Variants in DUT observed in about 807,000 individuals in gnomAD.
DUT encodes deoxyuridine triphosphatase.
Under a neutral mutation model 28.8 loss-of-function variants are expected in DUT, and 21 were observed. That is an observed-to-expected ratio of 0.73 (90% CI 0.52 to 1.05). The LOEUF (loss-of-function observed/expected upper bound fraction) is 1.05, where lower values mean the gene tolerates loss of function less well. Among genes scored for constraint, DUT ranks in the 50% least tolerant of loss-of-function variants. The pLI, the probability that DUT is intolerant of heterozygous loss-of-function variation, is 0.00. For missense variants in DUT, 344 were observed against 351.8 expected (o/e 0.98, Z 0.18); for synonymous variants, 147 against 143.7 (o/e 1.02, Z -0.17).
In DUT at chr15:48,341,292, G is replaced by T; in HGVS notation, c.560G>T (p.Gly187Val). 1 of 1,591,640 alleles carries T rather than the reference G, an allele frequency of 6.3e-7. No individual in the cohort carries two copies. The highest frequency in any genetic ancestry group is 8.5e-7 in the Non-Finnish European group (1 of 1,170,950). The change falls in exon 5 of 7, where the codon GGT becomes GTT. Residue 187 changes from glycine (G) to valine (V), a missense_variant. Gly to Val is a moderately radical substitution (Grantham distance 109, BLOSUM62 -3). Coordinates refer to ENST00000331200, the MANE Select transcript of DUT (RefSeq NM_001025248.2). ...ATATTACTTTTCTTTTCTCTAGCTG[G>T]TGTCATAGATGAAGATTATAGAGGA... ...AAKHFIDVGA[G>V]VIDEDYRGNV... is the part of the protein sequence containing the mutation.
upstream of DUT, chr15:48,331,132 G>A: frequency 2.0e-6 from 3 of 1,478,606 alleles, no homozygotes; most frequent in South Asian, 1.3e-5. Context: ...CGGTTCCGGC[G>A]CTTAGGGCGC....
At chr15:48,335,333 A>C (rs1039201206) in intron 3 of DUT, among the ~76,000 whole-genome samples, 1 of 152,270 alleles carries the variant, frequency 6.6e-6, no homozygotes, top group Admixed American at 6.5e-5. Flanking sequence ...GTCTGCAATA[A>C]TAAGGTGTAA....
At chr15:48,337,585 C>T (rs1046683132) in intron 4 of DUT, among the ~76,000 whole-genome samples, 9 of 152,156 alleles carry the variant, frequency 5.9e-5, no homozygotes, top group African/African-American at 2.2e-4. Flanking sequence ...TTAGGGACTT[C>T]ACAGATTGTT....
At chr15:48,331,900 G>A (rs903580277) in intron 1 of DUT, 105 bp downstream of exon 1, 2 of 726,648 alleles carry the variant, frequency 2.8e-6, no homozygotes, top group East Asian at 3.6e-5. Flanking sequence ...CGCGGGGGGC[G>A]GGGGGGGTGG....
rs767808149 is a variant in DUT at position 48,335,979 on chromosome 15, G to A, written c.512-67G>A. ...GTGAAGAGAATGACATGCTTAAATTGCATCAGTTATCTCTGATATAGCCCT... is the reference window on the plus strand; with the variant it reads ...GTGAAGAGAATGACATGCTTAAATTACATCAGTTATCTCTGATATAGCCCT... On this transcript the variant is annotated intron_variant, in intron 3 of 6. Transcript: ENST00000331200. The A allele has an allele frequency of 7.4e-6, 9 of 1,211,870 alleles. No individual in the cohort carries two copies. In the East Asian group the frequency reaches 1.7e-4, roughly 23 times the overall value. 75.1% of individuals were successfully genotyped at this position (1,211,870 alleles called of 1,614,324 possible). A position where few individuals can be genotyped will look rare whatever the true frequency, so the allele number is the denominator to read the frequency against.
In DUT at chr15:48,332,324, C is replaced by G. The variant is rs1201998335; in HGVS notation, c.337C>G (p.Gln113Glu). The G allele has an allele frequency of 1.2e-6, 2 of 1,608,280 alleles. No individual in the cohort carries two copies. The highest frequency in any genetic ancestry group is 1.3e-5 in the African/African-American group (1 of 74,380). ...RARPAEVGGM[Q>E]LRFARLSEHA... The stretch of plus-strand genomic sequence containing the variant: ...CCGGCCTGCGGAGGTGGGCGGCATG[C>G]AGCTCCGCTTTGCCCGGCTCTCCGA... The change falls in exon 2 of 7, where the codon CAG becomes GAG. Residue 113 changes from glutamine (Q) to glutamate (E), a missense_variant. Transcript: ENST00000331200.
chr15:48,335,504 T>C (rs1286360541), intron 3 of DUT, among the ~76,000 whole-genome samples: 1 of 152,198 alleles, frequency 6.6e-6, no homozygotes, highest in African/African-American at 2.4e-5. Flanking sequence ...ATCTGAATCA[T>C]GAATAGTGGG....
rs1254762313 is a variant in DUT, at chr15:48,341,286, T to C, written c.557-3T>C. 3 of 1,581,640 alleles carry C rather than the reference T, an allele frequency of 1.9e-6. No homozygotes were observed. The highest frequency in any genetic ancestry group is 1.2e-5 in the South Asian group (1 of 85,914). ...GAGATAATATTACTTTTCTTTTCTC[T>C]AGCTGGTGTCATAGATGAAGATTAT... is the stretch of plus-strand genomic sequence containing the variant. On this transcript the variant is annotated splice_polypyrimidine_tract_variant and splice_region_variant and intron_variant, in intron 4 of 6. Transcript: ENST00000331200.
rs1333653241 is a variant in DUT, at chr15:48,341,578, A to C, written c.695A>C (p.Glu232Ala). 1 of 1,610,028 alleles carries C rather than the reference A, an allele frequency of 6.2e-7. No homozygotes were observed. Among genetic ancestry groups the C allele is most frequent in the Non-Finnish European group, 8.5e-7 (1 of 1,177,022 alleles). Residue 232 changes from glutamate (E) to alanine (A), a missense_variant, in exon 6 of 7, where the codon GAA (glutamate) becomes GCA (alanine). Coordinates refer to ENST00000331200, the MANE Select transcript of DUT (RefSeq NM_001025248.2). ...CERIFYPEIE[E>A]VQALDDTERG... ...CGGATTTTTTATCCAGAAATAGAAG[A>C]AGTTCAAGTAAGTATTACAAAGGAA...
chr15:48,335,311 C>T (rs758096531), intron 3 of DUT, among the ~76,000 whole-genome samples: 1 of 152,080 alleles, frequency 6.6e-6, no homozygotes, highest in African/African-American at 2.4e-5. Flanking sequence ...TAATTATAGG[C>T]CTGATGCTTG....
intron 4 of DUT, chr15:48,340,259 C>T (rs753653316): frequency 6.6e-5 from 10 of 151,762 alleles, no homozygotes; most frequent in Non-Finnish European, 1.2e-4. Flanking sequence ...AAAGAATTAA[C>T]GTGTATAGCA....
At chr15:48,331,861 G>A (rs1187891858) in intron 1 of DUT, 66 bp downstream of exon 1, 16 of 908,450 alleles carry the variant, frequency 1.8e-5, no homozygotes, top group Non-Finnish European at 2.1e-5. Context: ...GGCTGTGGGG[G>A]AAGTAGGGTG....
At chr15:48,338,392 T>C (rs1035162261) in intron 4 of DUT, among the ~76,000 whole-genome samples, 1 of 152,140 alleles carries the variant, frequency 6.6e-6, no homozygotes, top group Non-Finnish European at 1.5e-5. Flanking sequence ...AGCAGAGGCC[T>C]TTCAAAAAGG....
chr15:48,333,988 A>G (rs961166290), intron 2 of DUT, among the ~76,000 whole-genome samples: 1 of 152,224 alleles, frequency 6.6e-6, no homozygotes, highest in African/African-American at 2.4e-5. Flanking sequence ...TAGTATTATT[A>G]GTAGTATTTG....
In DUT at chr15:48,342,185, A is replaced by T. The variant is rs1232220921; in HGVS notation, c.*107A>T. 1.6e-6 allele frequency: 1 copy of T among 619,630 alleles called. No homozygotes were observed. Among genetic ancestry groups the T allele is most frequent in the African/African-American group, 1.9e-5 (1 of 51,792 alleles). The allele number at this position is 619,630 out of a possible 1,614,324, so 38.4% of individuals were successfully genotyped here. ...TGTTTTGCACTTCTGTAAACTTACT[A>T]GCTTTACCTTCTAAAAGTACTGCAT... On this transcript the variant is annotated 3_prime_UTR_variant, in exon 7 of 7. Transcript: ENST00000331200.
chr15:48,331,277 G>C, upstream of DUT: 3 of 1,455,110 alleles, frequency 2.1e-6, no homozygotes, highest in South Asian at 1.4e-5. Context: ...GCGAAAGCAA[G>C]AGGGCTAGGC....
chr15:48,334,871 T>G (rs1489236283), intron 3 of DUT, among the ~76,000 whole-genome samples: 1 of 152,180 alleles, frequency 6.6e-6, no homozygotes, highest in African/African-American at 2.4e-5. Flanking sequence ...AGGGATACTC[T>G]TCAGTGTTGT....
intron 4 of DUT, among the ~76,000 whole-genome samples, chr15:48,336,649 C>G (rs981248328): frequency 1.3e-5 from 2 of 152,190 alleles, no homozygotes; most frequent in African/African-American, 2.4e-5. Context: ...TTTCTACTTT[C>G]CTGATGTGGT....
In DUT at chr15:48,332,403, A is replaced by G; in HGVS notation, c.416A>G (p.Tyr139Cys). ...GSARAAGYDLYSAYDYTIPPM... is the reference protein window; with the variant it reads ...GSARAAGYDLCSAYDYTIPPM... ...GCGCGCGCCGCGGGCTACGACCTGT[A>G]CAGGTGAGCGGGGACCTGCCGGCGA... Residue 139 changes from tyrosine to cysteine, a missense_variant, in exon 2 of 7, where the codon TAC becomes TGC. Coordinates refer to ENST00000331200, the MANE Select transcript of DUT (RefSeq NM_001025248.2). 5.8e-6 allele frequency: 9 copies of G among 1,559,192 alleles called. No individual in the cohort carries two copies. The highest frequency in any genetic ancestry group is 7.8e-6 in the Non-Finnish European group (9 of 1,158,184).
Sources: gnomAD v4.1 joint callset for allele counts (sites outside exome capture counted in the v4.1 genomes callset) on GRCh38, gnomAD v4.1.1 for gene constraint, MANE v1.5 for transcripts, NCBI Gene and HGNC (gene_info 2026-07-23, HGNC 2026-07-21) for gene names.